Variants in SKP2 observed in about 807,000 individuals in gnomAD.
The protein encoded by SKP2 is S-phase kinase associated protein 2.
In SKP2, 16 loss-of-function variants were observed where a neutral mutation model predicts 51.8. The observed-to-expected ratio is 0.31, with a 90% CI of 0.21 to 0.47. The LOEUF (loss-of-function observed/expected upper bound fraction) is 0.47, where lower values mean the gene tolerates loss of function less well. Ranked by LOEUF, SKP2 falls within the 20% of genes least tolerant of loss-of-function variation. The pLI is 1.00. For missense variants in SKP2, 377 were observed against 505.3 expected (o/e 0.75, Z 2.43); for synonymous variants, 176 against 198.6 (o/e 0.89, Z 0.96).
chr5:36,183,887 G>A lies in SKP2; in HGVS notation c.*1856G>A. 6.2e-7 allele frequency: 1 copy of A among 1,609,776 alleles called. No homozygotes were observed. The highest frequency in any genetic ancestry group is 1.3e-5 in the African/African-American group (1 of 74,838). On this transcript the variant is annotated 3_prime_UTR_variant, in exon 10 of 10. Coordinates refer to ENST00000274255, the MANE Select transcript of SKP2 (RefSeq NM_005983.4). ...AGGATCCGGTTGGACTCTGACATCGGATGCCCTCAAACATACAGAACTTCC... is the reference window on the plus strand; with the variant it reads ...AGGATCCGGTTGGACTCTGACATCGAATGCCCTCAAACATACAGAACTTCC...
chr5:36,157,119 A>T (rs903299636), intron 2 of SKP2, among the ~76,000 whole-genome samples: 1 of 151,550 alleles, frequency 6.6e-6, no homozygotes, highest in Non-Finnish European at 1.5e-5. Flanking sequence ...CTCAGTCTAC[A>T]GTTACTAAAC....
At chr5:36,192,894 A>C (rs1035071388) in intron 7 of SKP2, 2 of 152,214 alleles carry the variant, frequency 1.3e-5, no homozygotes, top group African/African-American at 4.8e-5. Context: ...GTAACAGTGG[A>C]GTAATTTTAT....
intron 4 of SKP2, 140 bp from the exon 5 acceptor site, chr5:36,168,173 C>G: frequency 1.3e-6 from 1 of 744,050 alleles, no homozygotes; most frequent in Non-Finnish European, 2.2e-6. Context: ...GTTTTATGAC[C>G]CTATAGTTAA....
intron 7 of SKP2, among the ~76,000 whole-genome samples, chr5:36,176,358 T>C (rs1000905106): frequency 6.6e-6 from 1 of 151,890 alleles, no homozygotes; most frequent in Non-Finnish European, 1.5e-5. Flanking sequence ...TAAATTTATG[T>C]GTTCCCTATG....
chr5:36,152,379 A>C (rs751609180), intron 1 of SKP2, 109 bp downstream of exon 1: 50 of 1,052,460 alleles, frequency 4.8e-5, no homozygotes, highest in Non-Finnish European at 7.4e-5. Flanking sequence ...TGTTAAGTGA[A>C]TGGTTGCTTA....
intron 2 of SKP2, among the ~76,000 whole-genome samples, chr5:36,154,874 C>G (rs928315955): frequency 1.3e-5 from 2 of 152,078 alleles, no homozygotes; most frequent in African/African-American, 4.8e-5. Flanking sequence ...TGAGGGTGGT[C>G]AGATTCCGGA....
intron 7 of SKP2, among the ~76,000 whole-genome samples, chr5:36,176,385 G>C (rs1745633178): frequency 1.3e-5 from 2 of 151,190 alleles, no homozygotes. Flanking sequence ...TTTATGTTTA[G>C]AAATACCTTA....
At chr5:36,167,122 TTTTG>T (rs1380299878) in intron 4 of SKP2, among the ~76,000 whole-genome samples, 1 of 142,676 alleles carries the variant, frequency 7.0e-6, no homozygotes, top group Non-Finnish European at 1.5e-5. Flanking sequence ...AATGCCCTCT[TTTTG>T]TTTGTTTTGT....
chr5:36,156,678 A>G lies in SKP2; in HGVS notation c.280+3636A>G, dbSNP rs533568436. ...TTGTCCCCCACCCCACCCTTTAAAC[A>G]GGTGATAGCCATGAAAATGGAGGTG... On this transcript the variant is annotated intron_variant, in intron 2 of 9. Coordinates refer to ENST00000274255, the MANE Select transcript of SKP2 (RefSeq NM_005983.4). Among the ~76,000 whole-genome samples the G allele has an allele frequency of 2.6e-5, 4 of 152,310 alleles. No individual in the cohort carries two copies. In the East Asian group the frequency reaches 7.7e-4, roughly 29 times the overall value.
chr5:36,172,216 T>C (rs1319682946), intron 7 of SKP2, among the ~76,000 whole-genome samples: 1 of 152,154 alleles, frequency 6.6e-6, no homozygotes, highest in Non-Finnish European at 1.5e-5. Context: ...GGATGGAGAA[T>C]AGCATGCACA....
intron 7 of SKP2, among the ~76,000 whole-genome samples, chr5:36,176,233 A>C (rs1745628250): frequency 1.3e-5 from 2 of 151,760 alleles, no homozygotes; most frequent in Non-Finnish European, 2.9e-5. Flanking sequence ...TTTTTGATTT[A>C]TCTTTTTTCT....
chr5:36,155,726 C>G (rs1283214580), intron 2 of SKP2, among the ~76,000 whole-genome samples: 2 of 152,190 alleles, frequency 1.3e-5, no homozygotes, highest in Non-Finnish European at 2.9e-5. Flanking sequence ...GCGAAAGATA[C>G]TTCCTGCTAA....
At chr5:36,156,188 G>A (rs746533544) in intron 2 of SKP2, among the ~76,000 whole-genome samples, 16 of 152,182 alleles carry the variant, frequency 1.1e-4, no homozygotes, top group Non-Finnish European at 1.8e-4. Flanking sequence ...TGTGGAGTGG[G>A]GAAGGGTGAA....
chr5:36,168,560 T>C (rs961181921), intron 5 of SKP2, 113 bp downstream of exon 5: 2 of 982,124 alleles, frequency 2.0e-6, no homozygotes, highest in East Asian at 4.9e-5. Context: ...ACAGAAAATA[T>C]CTAGTGCAGT....
At chr5:36,189,660 G>A (rs530834164) in intron 6 of SKP2, among the ~76,000 whole-genome samples, 177 of 152,280 alleles carry the variant, frequency 1.2e-3, no homozygotes, top group African/African-American at 3.9e-3. Flanking sequence ...TAGGCTGCTC[G>A]GGGGTCAGGG....
intron 3 of SKP2, among the ~76,000 whole-genome samples, chr5:36,165,024 CTG>C (rs1344680143): frequency 6.6e-6 from 1 of 152,204 alleles, no homozygotes; most frequent in Non-Finnish European, 1.5e-5. Context: ...TCCTGCATAT[CTG>C]TGGCTTTGTA....
Position 36,182,455 on chromosome 5 carries a change from A to T in SKP2, c.*424A>T. On this transcript the variant is annotated 3_prime_UTR_variant, in exon 10 of 10. Transcript: ENST00000274255. ...ATTGCTTTATAAGACAGCTTAGAAGAACAATAAGCTATTTGTATTATGAGC... is the reference window on the plus strand; with the variant it reads ...ATTGCTTTATAAGACAGCTTAGAAGTACAATAAGCTATTTGTATTATGAGC... The T allele has an allele frequency of 1.0e-6, 1 of 988,440 alleles. No individual in the cohort carries two copies. Among genetic ancestry groups the T allele is most frequent in the African/African-American group, 1.7e-5 (1 of 57,366 alleles). 61.2% of individuals were successfully genotyped at this position (988,440 alleles called of 1,614,324 possible).
In SKP2 at chr5:36,153,109, T is replaced by G; in HGVS notation, c.280+67T>G. The G allele has an allele frequency of 2.7e-6, 4 of 1,489,212 alleles. No homozygotes were observed. In the East Asian group the frequency reaches 9.1e-5, roughly 34 times the overall value. 92.2% of individuals were successfully genotyped at this position (1,489,212 alleles called of 1,614,324 possible). On this transcript the variant is annotated intron_variant, in intron 2 of 9. Coordinates refer to ENST00000274255, the MANE Select transcript of SKP2 (RefSeq NM_005983.4). ...GATTTAGCTATGTTGTTGGGAAACC[T>G]TTGTTCAGAGATCTTTAGCATGGGT...
At chr5:36,153,764 T>C (rs1198277043) in intron 2 of SKP2, among the ~76,000 whole-genome samples, 2 of 152,200 alleles carry the variant, frequency 1.3e-5, no homozygotes, top group Non-Finnish European at 2.9e-5. Flanking sequence ...ATGGATTGAC[T>C]GAAATGTAGA....
Sources: allele counts gnomAD v4.1 joint callset (sites outside exome capture counted in the v4.1 genomes callset), GRCh38; gene constraint gnomAD v4.1.1; transcripts MANE v1.5; gene names NCBI Gene and HGNC (gene_info 2026-07-23, HGNC 2026-07-21).